Variants in DSEL observed in about 807,000 individuals in gnomAD.
DSEL encodes dermatan-sulfate epimerase-like protein.
DSEL carries 61 observed loss-of-function variants against 96.6 expected under a neutral mutation model. That is an observed-to-expected ratio of 0.63 (90% confidence interval 0.51 to 0.78). DSEL has a LOEUF of 0.78. Among genes scored for constraint, DSEL ranks in the 30% least tolerant of loss-of-function variants. The probability of loss-of-function intolerance (pLI) is 0.00; values close to 1 mark genes in which losing one functional copy is unlikely to be tolerated. For missense variants in DSEL, 1,320 were observed against 1,430.8 expected (o/e 0.92, Z 1.25); for synonymous variants, 514 against 502.0 (o/e 1.02, Z -0.32).
At position 67,513,597 on chromosome 18, in the gene DSEL, A is replaced by T; in HGVS notation, c.1012T>A (p.Tyr338Asn). Residue 338 changes from tyrosine to asparagine, a missense_variant, in exon 2 of 2, where the codon TAT becomes AAT. By Grantham distance (143) the Tyr-to-Asn change is moderately radical (BLOSUM62 -2). Around this residue, in one of 3 missense-constraint regions of DSEL, gnomAD observed 986 missense variants for 1,066.4 expected, o/e 0.92. Transcript: ENST00000310045. The part of the protein sequence containing the change: ...GIADSNYNWF[Y>N]GPESQLVFLD... Reference sequence around the variant, plus strand: ...AAAACTAGCTGGCTTTCTGGACCATAAAACCAATTATAATTGGAATCTGCT... The same window carrying T: ...AAAACTAGCTGGCTTTCTGGACCATTAAACCAATTATAATTGGAATCTGCT... 3 of 1,614,194 alleles carry T rather than the reference A, an allele frequency of 1.9e-6. No homozygotes were observed. The highest frequency in any genetic ancestry group is 2.5e-6 in the Non-Finnish European group (3 of 1,180,026).
Position 67,511,099 on chromosome 18 carries a change from A to G in DSEL, c.3510T>C (p.Tyr1170=). The change falls in exon 2 of 2, where the codon TAT becomes TAC. Residue 1170 remains tyrosine, a synonymous_variant. Coordinates refer to ENST00000310045, the MANE Select transcript of DSEL (RefSeq NM_032160.3). The stretch of plus-strand genomic sequence containing the variant: ...TATTAGTTGGTGATATTTCCCCTTC[A>G]TAGGGAAGGTAAAAAAGGTTTGTAG... The part of the protein sequence containing the change: ...ATSTNLFYLP[Y]EGEISPTNTN... 3 of 1,614,118 alleles carry G rather than the reference A, an allele frequency of 1.9e-6. No homozygotes were observed. The highest frequency in any genetic ancestry group is 2.5e-6 in the Non-Finnish European group (3 of 1,179,990).
rs779379001 is a variant in DSEL at position 67,513,081 on chromosome 18, G to A, written c.1528C>T (p.Gln510Ter). ...TGACCTTCCCAGGGCTTATTACACT[G>A]GCTTGAGGGTGATGGAGCAAACACC... ...VLVFAPSPSS[Q>*]CNKPWEGQLG... Residue 510 changes from glutamine to a stop codon, truncating the protein, a stop_gained, in exon 2 of 2, where the codon CAG becomes TAG. Coordinates refer to ENST00000310045, the MANE Select transcript of DSEL (RefSeq NM_032160.3). LOFTEE classifies it high-confidence loss of function. 8.7e-6 allele frequency: 14 copies of A among 1,614,000 alleles called. No individual in the cohort carries two copies. The highest frequency in any genetic ancestry group is 3.3e-5 in the South Asian group (3 of 91,078).
Position 67,513,147 on chromosome 18 carries a change from C to T in DSEL, c.1462G>A (p.Ala488Thr). ...TGGCTCAACTTGGGTCCATAGAGAG[C>T]TTCAGAAACAAATACTTGTCCATTG... is the stretch of plus-strand genomic sequence containing the variant. ...APNGQVFVSE[A>T]LYGPKLSHLN... is the part of the protein sequence containing the mutation. The change falls in exon 2 of 2, where the codon GCT becomes ACT. Residue 488 changes from alanine to threonine, a missense_variant. Transcript: ENST00000310045. The T allele has an allele frequency of 6.2e-7, 1 of 1,614,162 alleles. No individual in the cohort carries two copies. Among genetic ancestry groups the T allele is most frequent in the East Asian group, 2.2e-5 (1 of 44,870 alleles).
At position 67,509,604 on chromosome 18, in the gene DSEL, A is replaced by T. The variant is rs2089430290; in HGVS notation, c.*1366T>A. The T allele has an allele frequency of 6.6e-6, 1 of 152,196 alleles. No homozygotes were observed. The highest frequency in any genetic ancestry group is 1.5e-5 in the Non-Finnish European group (1 of 68,032). The allele number at this position is 152,196 out of a possible 1,614,324, so 9.4% of individuals were successfully genotyped here. A position where few individuals can be genotyped will look rare whatever the true frequency, so the allele number is the denominator to read the frequency against. ...GACATAATAATAACTACTGAGAAAGAACCACTTTTATCTAGGTCAGAATGA... is the reference window on the plus strand; with the variant it reads ...GACATAATAATAACTACTGAGAAAGTACCACTTTTATCTAGGTCAGAATGA... On this transcript the variant is annotated 3_prime_UTR_variant, in exon 2 of 2. Transcript: ENST00000310045.
chr18:67,514,212 A>G lies in DSEL; in HGVS notation c.397T>C (p.Leu133=), dbSNP rs2089462081. 1 of 1,614,082 alleles carries G rather than the reference A, an allele frequency of 6.2e-7. No homozygotes were observed. Among genetic ancestry groups the G allele is most frequent in the Non-Finnish European group, 8.5e-7 (1 of 1,180,034 alleles). The change falls in exon 2 of 2, where the codon TTG becomes CTG. Residue 133 remains leucine (L), a synonymous_variant. Coordinates refer to ENST00000310045, the MANE Select transcript of DSEL (RefSeq NM_032160.3). Reference sequence around the variant, plus strand: ...GCAACTTTGTCTTCTGGGCATAACAAACAGTACAATGCTAAAGGAGGCAGA... The same window carrying G: ...GCAACTTTGTCTTCTGGGCATAACAGACAGTACAATGCTAAAGGAGGCAGA... The part of the protein sequence containing the change: ...NNLPPLALYC[L]LCPEDKVAFE...
chr18:67,513,037 C>T lies in DSEL; in HGVS notation c.1572G>A (p.Gln524=), dbSNP rs1359905210. 1.9e-6 allele frequency: 3 copies of T among 1,614,206 alleles called. No individual in the cohort carries two copies. The East Asian group carries it at 6.7e-5, about 36-fold the overall frequency. Residue 524 remains glutamine (Q), a synonymous_variant, in exon 2 of 2, where the codon CAG becomes CAA. Coordinates refer to ENST00000310045, the MANE Select transcript of DSEL (RefSeq NM_032160.3). ...PWEGQLGECA[Q]WLKWTGEEVG... The stretch of plus-strand genomic sequence containing the variant: ...CCTCCTCGCCAGTCCACTTAAGCCA[C>T]TGCGCACATTCTCCCAGTTGACCTT...
At position 67,514,805 on chromosome 18, in the gene DSEL, A is replaced by C. The variant is rs1016764445; in HGVS notation, c.-197T>G. 8.2e-6 allele frequency: 5 copies of C among 607,460 alleles called. No individual in the cohort carries two copies. The highest frequency in any genetic ancestry group is 1.4e-5 in the Non-Finnish European group (5 of 348,384). 37.6% of individuals were successfully genotyped at this position (607,460 alleles called of 1,614,324 possible). A position where few individuals can be genotyped will look rare whatever the true frequency, so the allele number is the denominator to read the frequency against. ...GCCAAAAAGAGAAAACTTAAATTGTATATCTCTGTCCCTGGCACAGTTTTG... is the reference window on the plus strand; with the variant it reads ...GCCAAAAAGAGAAAACTTAAATTGTCTATCTCTGTCCCTGGCACAGTTTTG... On this transcript the variant is annotated 5_prime_UTR_variant, in exon 2 of 2. The change creates a premature stop within an existing upstream ORF in the 5' untranslated region. Coordinates refer to ENST00000310045, the MANE Select transcript of DSEL (RefSeq NM_032160.3).
In DSEL at chr18:67,514,732, T is replaced by A; in HGVS notation, c.-124A>T. 2.7e-6 allele frequency: 3 copies of A among 1,114,398 alleles called. No homozygotes were observed. The highest frequency in any genetic ancestry group is 3.9e-6 in the Non-Finnish European group (3 of 776,890). 69.0% of individuals were successfully genotyped at this position (1,114,398 alleles called of 1,614,324 possible). ...TAAGACAAAGACTGTAAATCTGATA[T>A]GCTGTGAAATCCAGCTGACATTCAG... On this transcript the variant is annotated 5_prime_UTR_variant, in exon 2 of 2. Transcript: ENST00000310045.
In DSEL at chr18:67,513,284, C is replaced by G. The variant is rs746089617; in HGVS notation, c.1325G>C (p.Gly442Ala). The change falls in exon 2 of 2, where the codon GGA becomes GCA. Residue 442 changes from glycine to alanine, a missense_variant. Gly to Ala is a moderately conservative substitution (Grantham distance 60). Coordinates refer to ENST00000310045, the MANE Select transcript of DSEL (RefSeq NM_032160.3). Reference protein sequence around the residue: ...FVSFKSGKLGGRAVYDIVHFQ... With the variant: ...FVSFKSGKLGARAVYDIVHFQ... ...ATGAACTATGTCATACACAGCTCGTCCCCCCAGCTTCCCAGATTTAAAAGA... is the reference window on the plus strand; with the variant it reads ...ATGAACTATGTCATACACAGCTCGTGCCCCCAGCTTCCCAGATTTAAAAGA... The G allele has an allele frequency of 6.2e-7, 1 of 1,614,196 alleles. No homozygotes were observed. The highest frequency in any genetic ancestry group is 1.1e-5 in the South Asian group (1 of 91,076).
rs1393669718 is a variant in DSEL at position 67,512,080 on chromosome 18, CAA to C, written c.2527_2528del (p.Leu843ValfsTer3). ...GATCCATGTGGTGCCCTTCAGAAGA[CAA>C]AGACTTCTTGCTTCCCTCAGCCTCT... ...RTEAEGSKKS[L>X]SSEGHHMDLP... On this transcript the variant is annotated frameshift_variant, in exon 2 of 2. Transcript: ENST00000310045. LOFTEE classifies it high-confidence loss of function. 1 of 1,614,146 alleles carries C rather than the reference CAA, an allele frequency of 6.2e-7. No individual in the cohort carries two copies.
rs1168452278 is a variant in DSEL at position 67,516,630 on chromosome 18, C to T, written c.-1154G>A. On this transcript the variant is annotated 5_prime_UTR_variant, in exon 1 of 2. Coordinates refer to ENST00000310045, the MANE Select transcript of DSEL (RefSeq NM_032160.3). The surrounding 1 kb of genome is among the most constrained non-coding windows in gnomAD (Gnocchi z 5.6). ...CAACCACGGACCGCAGGACAGAGAC[C>T]CGCGGGCGGCGGGTTCTCTCGGTGG... is the stretch of plus-strand genomic sequence containing the variant. The T allele has an allele frequency of 2.0e-5, 3 of 152,200 alleles. No individual in the cohort carries two copies. The highest frequency in any genetic ancestry group is 2.1e-4 in the South Asian group (1 of 4,824). 9.4% of individuals were successfully genotyped at this position (152,200 alleles called of 1,614,324 possible).
Position 67,512,798 on chromosome 18 carries a change from T to C in DSEL, c.1811A>G (p.Asn604Ser), listed in dbSNP as rs1283307744. 1 of 1,614,020 alleles carries C rather than the reference T, an allele frequency of 6.2e-7. No individual in the cohort carries two copies. Among genetic ancestry groups the C allele is most frequent in the South Asian group, 1.1e-5 (1 of 91,084 alleles). The stretch of plus-strand genomic sequence containing the variant: ...GATATATTTAAAATCAATATCCAAA[T>C]TATGAAAGAAGGCACTGACAGAATT... ...PINSVSAFFH[N>S]LDIDFKYIPY... The change falls in exon 2 of 2, where the codon AAT becomes AGT. Residue 604 changes from asparagine to serine, a missense_variant. Physicochemically the swap from Asn to Ser is conservative, Grantham distance 46. Around this residue, in one of 3 missense-constraint regions of DSEL, gnomAD observed 986 missense variants for 1,066.4 expected, o/e 0.92. Transcript: ENST00000310045.
chr18:67,511,541 G>A lies in DSEL; in HGVS notation c.3068C>T (p.Ser1023Leu). The A allele has an allele frequency of 6.2e-7, 1 of 1,613,402 alleles. No individual in the cohort carries two copies. Among genetic ancestry groups the A allele is most frequent in the Non-Finnish European group, 8.5e-7 (1 of 1,179,908 alleles). The change falls in exon 2 of 2, where the codon TCG becomes TTG. Residue 1023 changes from serine to leucine, a missense_variant. Ser to Leu is a moderately radical substitution (Grantham distance 145). Transcript: ENST00000310045. ...LHFFQEVLGA[S>L]MRALYIVRDP... Reference sequence around the variant, plus strand: ...TCTTACTATGTACAATGCCCTCATCGAAGCTCCTAAAACTTCCTGAAAAAA... The same window carrying A: ...TCTTACTATGTACAATGCCCTCATCAAAGCTCCTAAAACTTCCTGAAAAAA...
rs778782626 is a variant in DSEL at position 67,513,558 on chromosome 18, T to G, written c.1051A>C (p.Ile351Leu). ...ESQLVFLDKF[I>L]LKNGAGNWLA... ...CAATTTCCAGCTCCATTCTTTAAGA[T>G]GAACTTATCCAAGAAAACTAGCTGG... The change falls in exon 2 of 2, where the codon ATC (isoleucine) becomes CTC (leucine). Residue 351 changes from isoleucine (I) to leucine (L), a missense_variant. Ile to Leu is a conservative substitution (Grantham distance 5). Transcript: ENST00000310045. 1 of 1,614,168 alleles carries G rather than the reference T, an allele frequency of 6.2e-7. No homozygotes were observed. The highest frequency in any genetic ancestry group is 1.7e-5 in the Admixed American group (1 of 60,008).
Position 67,515,082 on chromosome 18 carries a change from G to A in DSEL, c.-474C>T, listed in dbSNP as rs1279944016. On this transcript the variant is annotated 5_prime_UTR_variant, in exon 2 of 2. Transcript: ENST00000310045. ...ACACATGTATGATGCATTTGTGTATGTTTGCCCAAAGAAGATGATGAAGTA... is the reference window on the plus strand; with the variant it reads ...ACACATGTATGATGCATTTGTGTATATTTGCCCAAAGAAGATGATGAAGTA... 5.8e-6 allele frequency: 1 copy of A among 172,286 alleles called. No homozygotes were observed. The highest frequency in any genetic ancestry group is 1.9e-4 in the East Asian group (1 of 5,280). 10.7% of individuals were successfully genotyped at this position (172,286 alleles called of 1,614,324 possible). A position where few individuals can be genotyped will look rare whatever the true frequency, so the allele number is the denominator to read the frequency against.
chr18:67,507,739 T>C lies in DSEL; in HGVS notation c.*3231A>G, dbSNP rs1041714062. 1 of 152,216 alleles carries C rather than the reference T, an allele frequency of 6.6e-6. No individual in the cohort carries two copies. Among genetic ancestry groups the C allele is most frequent in the African/African-American group, 2.4e-5 (1 of 41,464 alleles). The allele number at this position is 152,216 out of a possible 1,614,324, so 9.4% of individuals were successfully genotyped here. A position where few individuals can be genotyped will look rare whatever the true frequency, so the allele number is the denominator to read the frequency against. On this transcript the variant is annotated 3_prime_UTR_variant, in exon 2 of 2. Transcript: ENST00000310045. Reference sequence around the variant, plus strand: ...AGGCATTTATTAGTTATTCTCTATGTAAAAGGACAATCAAATGTCTAATAT... The same window carrying C: ...AGGCATTTATTAGTTATTCTCTATGCAAAAGGACAATCAAATGTCTAATAT...
chr18:67,511,608 C>T lies in DSEL; in HGVS notation c.3001G>A (p.Val1001Met). Reference protein sequence around the residue: ...HLVYYPSARPVLSLSSGSWTL... With the variant: ...HLVYYPSARPMLSLSSGSWTL... ...CAGCTTCCACTGCTTAAACTGAGCACAGGACGTGCACTTGGATAGTAAACC... is the reference window on the plus strand; with the variant it reads ...CAGCTTCCACTGCTTAAACTGAGCATAGGACGTGCACTTGGATAGTAAACC... The change falls in exon 2 of 2, where the codon GTG becomes ATG. Residue 1001 changes from valine to methionine, a missense_variant. By Grantham distance (21) the Val-to-Met change is conservative. Around this residue, in one of 3 missense-constraint regions of DSEL, gnomAD observed 986 missense variants for 1,066.4 expected, o/e 0.92. Coordinates refer to ENST00000310045, the MANE Select transcript of DSEL (RefSeq NM_032160.3). 6.2e-7 allele frequency: 1 copy of T among 1,614,184 alleles called. No homozygotes were observed. Among genetic ancestry groups the T allele is most frequent in the Non-Finnish European group, 8.5e-7 (1 of 1,180,040 alleles).
In DSEL at chr18:67,514,089, A is replaced by T; in HGVS notation, c.520T>A (p.Leu174Ile). The change falls in exon 2 of 2, where the codon TTA (leucine) becomes ATA (isoleucine). Residue 174 changes from leucine to isoleucine, a missense_variant. This residue lies in a region of DSEL where 323 missense variants were observed against 333.1 expected (regional missense o/e 0.97). Coordinates refer to ENST00000310045, the MANE Select transcript of DSEL (RefSeq NM_032160.3). ...PGDEVPIGHS[L>I]TGFATAFDFL... ...TCAAAGGCAGTGGCAAAACCTGTTA[A>T]GGAATGGCCAATTGGAACCTCATCT... 1 of 1,614,220 alleles carries T rather than the reference A, an allele frequency of 6.2e-7. No homozygotes were observed. The highest frequency in any genetic ancestry group is 1.1e-5 in the South Asian group (1 of 91,084).
rs765534716 is a variant in DSEL at position 67,509,472 on chromosome 18, G to A, written c.*1498C>T. The A allele has an allele frequency of 2.0e-5, 3 of 152,024 alleles. No homozygotes were observed. The highest frequency in any genetic ancestry group is 4.8e-5 in the African/African-American group (2 of 41,380). 9.4% of individuals were successfully genotyped at this position (152,024 alleles called of 1,614,324 possible). ...GATATGGGAAGGAATATGTTGGGGA[G>A]GGGGGGCAGTCTCCACTCACACTAT... On this transcript the variant is annotated 3_prime_UTR_variant, in exon 2 of 2. Transcript: ENST00000310045.
Sources: gnomAD v4.1 joint callset for allele counts on GRCh38, gnomAD v4.1.1 for gene constraint, gnomAD v4.1.1 regional missense constraint, Gnocchi (gnomAD v3.1) non-coding constraint, MANE v1.5 for transcripts, NCBI Gene and HGNC (gene_info 2026-07-23, HGNC 2026-07-21) for gene names.